THSD4: variants seen among roughly 807,000 people sequenced by gnomAD.
THSD4 encodes the protein thrombospondin type-1 domain-containing protein 4.
THSD4 carries 69 observed loss-of-function variants against 119.0 expected under a neutral mutation model. The observed-to-expected ratio is 0.58, with a 90% confidence interval of 0.48 to 0.71. The LOEUF (loss-of-function observed/expected upper bound fraction) is 0.71, where lower values mean the gene tolerates loss of function less well. Among genes scored for constraint, THSD4 ranks in the 30% least tolerant of loss-of-function variants. THSD4 has a pLI of 0.00. For missense variants in THSD4, 1,393 were observed against 1,391.1 expected, an observed-to-expected ratio of 1.00 and a Z score of -0.02; for synonymous variants, 524 against 540.4, an observed-to-expected ratio of 0.97 and a Z score of 0.42.
chr15:71,556,725 G>A (rs1163080835), intron 7 of THSD4, among the ~76,000 whole-genome samples: 3 of 149,146 alleles, frequency 2.0e-5, no homozygotes, highest in East Asian at 2.0e-4. Context: ...TGATCATACC[G>A]CTTCACTCCA....
chr15:71,482,335 G>C (rs947861891), intron 7 of THSD4, among the ~76,000 whole-genome samples: 34 of 147,708 alleles, frequency 2.3e-4, no homozygotes, highest in African/African-American at 7.0e-4. Context: ...CTGTTGCCCA[G>C]GCTGGAGTGC....
chr15:71,738,503 G>C (rs575711565), intron 11 of THSD4, among the ~76,000 whole-genome samples: 1 of 152,162 alleles, frequency 6.6e-6, no homozygotes, highest in African/African-American at 2.4e-5. Context: ...AAGGGCTTAC[G>C]AGACCCAGAA....
intron 1 of THSD4, among the ~76,000 whole-genome samples, chr15:71,131,413 A>ACATGGCCG (rs903647065): frequency 6.6e-6 from 1 of 152,062 alleles, no homozygotes; most frequent in African/African-American, 2.4e-5. Flanking sequence ...TCATTTCAAA[A>ACATGGCCG]CATGGCCGGG....
chr15:71,618,565 G>T (rs1021798061), intron 7 of THSD4, among the ~76,000 whole-genome samples: 2 of 152,154 alleles, frequency 1.3e-5, no homozygotes, highest in Admixed American at 6.5e-5. Flanking sequence ...TGCAACAAAA[G>T]GTTCTTCAAC....
rs141204829 is a variant in THSD4 at position 71,572,914 on chromosome 15, C to A, written c.1153-87616C>A. 8.4e-3 allele frequency among the ~76,000 whole-genome samples: 1,276 copies of A among 152,174 alleles called. 9 individuals carry two copies. The highest frequency in any genetic ancestry group is 0.011 in the Non-Finnish European group (743 of 68,010). On this transcript the variant is annotated intron_variant, in intron 7 of 17. Transcript: ENST00000261862. ...GGTATGTGCCAGGTCTTTGTTCTGG[C>A]CTGAGTTTAAGATACCTGGGAAGGC...
chr15:71,313,899 C>T (rs1596331106), intron 6 of THSD4, among the ~76,000 whole-genome samples: 1 of 152,162 alleles, frequency 6.6e-6, no homozygotes, highest in South Asian at 2.1e-4. Context: ...TAGAAAAAAA[C>T]ACAGCATGGG....
intron 7 of THSD4, among the ~76,000 whole-genome samples, chr15:71,544,390 G>A (rs898878285): frequency 6.6e-6 from 1 of 152,192 alleles, no homozygotes; most frequent in African/African-American, 2.4e-5. Flanking sequence ...TGGCTGATTA[G>A]AGGCAAAGGA....
intron 7 of THSD4, among the ~76,000 whole-genome samples, chr15:71,434,202 G>A (rs2140538650): frequency 6.6e-6 from 1 of 152,202 alleles, no homozygotes. Context: ...TGATTTATGA[G>A]TATTTACGTA....
intron 7 of THSD4, among the ~76,000 whole-genome samples, chr15:71,481,952 T>C (rs2047736371): frequency 6.6e-6 from 1 of 152,198 alleles, no homozygotes; most frequent in Non-Finnish European, 1.5e-5. Context: ...CCAGAATAAT[T>C]GCTCAGAGCC....
intron 7 of THSD4, among the ~76,000 whole-genome samples, chr15:71,555,372 T>G (rs1439156750): frequency 6.6e-6 from 1 of 152,248 alleles, no homozygotes; most frequent in Non-Finnish European, 1.5e-5. Flanking sequence ...TATCAGTGTA[T>G]GCTAATGGAC....
chr15:71,619,417 T>C (rs2050380977), intron 7 of THSD4, among the ~76,000 whole-genome samples: 1 of 152,150 alleles, frequency 6.6e-6, no homozygotes, highest in Admixed American at 6.5e-5. Flanking sequence ...CCAGGATAGT[T>C]AGCATCTGGA....
At chr15:71,417,172 C>T (rs1276614659) in intron 7 of THSD4, among the ~76,000 whole-genome samples, 1 of 108,272 alleles carries the variant, frequency 9.2e-6, no homozygotes, top group African/African-American at 3.1e-5. Flanking sequence ...TATTTTCTCC[C>T]ATTCTGTGGG....
chr15:71,484,241 C>T (rs2047779844), intron 7 of THSD4, among the ~76,000 whole-genome samples: 1 of 152,192 alleles, frequency 6.6e-6, no homozygotes, highest in Admixed American at 6.5e-5. Flanking sequence ...ACTGACTCCA[C>T]CAGCATAGTT....
intron 8 of THSD4, among the ~76,000 whole-genome samples, chr15:71,695,440 G>A (rs751861628): frequency 3.3e-4 from 50 of 151,668 alleles, no homozygotes; most frequent in Non-Finnish European, 5.3e-4. Flanking sequence ...AATATGGGCA[G>A]CAGGCATTAG....
intron 6 of THSD4, among the ~76,000 whole-genome samples, chr15:71,392,517 C>T (rs2046391218): frequency 6.6e-6 from 1 of 152,198 alleles, no homozygotes. Flanking sequence ...TTCTCTTTTA[C>T]TTGTATGCCT....
chr15:71,760,222 C>A (rs575426502), intron 15 of THSD4, among the ~76,000 whole-genome samples: 1 of 152,266 alleles, frequency 6.6e-6, no homozygotes, highest in African/African-American at 2.4e-5. Flanking sequence ...GAATCCTTCC[C>A]AAGGACATTT....
chr15:71,681,645 A>C (rs908499547), intron 8 of THSD4, among the ~76,000 whole-genome samples: 5 of 150,346 alleles, frequency 3.3e-5, no homozygotes, highest in African/African-American at 1.2e-4. Flanking sequence ...ACTTAACTCT[A>C]GCCTGGGCAA....
chr15:71,569,670 G>C (rs954587659), intron 7 of THSD4, among the ~76,000 whole-genome samples: 1 of 152,156 alleles, frequency 6.6e-6, no homozygotes, highest in African/African-American at 2.4e-5. Context: ...AGCAAAGAAA[G>C]AAACAATTGA....
Position 71,777,395 on chromosome 15 carries a change from T to C in THSD4, c.*21T>C, listed in dbSNP as rs755372770. On this transcript the variant is annotated 3_prime_UTR_variant, in exon 18 of 18. Transcript: ENST00000261862. ...GATAACACTCCTGCACCCCCATCAG[T>C]AGGGCAGCATCACTGCCTTCCCGGG... 1.9e-6 allele frequency: 3 copies of C among 1,608,336 alleles called. No homozygotes were observed. Among genetic ancestry groups the C allele is most frequent in the South Asian group, 1.1e-5 (1 of 90,600 alleles).
Sources: gnomAD v4.1 joint callset for allele counts (sites outside exome capture counted in the v4.1 genomes callset) on GRCh38, gnomAD v4.1.1 for gene constraint, MANE v1.5 for transcripts, NCBI Gene and HGNC (gene_info 2026-07-23, HGNC 2026-07-21) for gene names.